Variants in SNX1 observed in about 807,000 individuals in gnomAD.
The protein encoded by SNX1 is sorting nexin-1.
SNX1 carries 36 observed loss-of-function variants against 71.8 expected under a neutral mutation model. The ratio of observed to expected loss-of-function variants is 0.50; its 90% CI spans 0.38 to 0.66. The LOEUF (loss-of-function observed/expected upper bound fraction) is 0.66. Among genes scored for constraint, SNX1 ranks in the 30% least tolerant of loss-of-function variants. The pLI is 0.00. For missense variants in SNX1, 612 were observed against 646.7 expected (o/e 0.95, Z 0.58); for synonymous variants, 254 against 240.7 (o/e 1.06, Z -0.51).
chr15:64,107,689 G>A (rs1387307277), intron 1 of SNX1, among the ~76,000 whole-genome samples: 5 of 151,492 alleles, frequency 3.3e-5, no homozygotes, highest in Non-Finnish European at 7.4e-5. Context: ...AGAATTAACA[G>A]CCAAAGGGAG....
At chr15:64,128,734 A>T (rs998210309) in intron 8 of SNX1, among the ~76,000 whole-genome samples, 1 of 152,146 alleles carries the variant, frequency 6.6e-6, no homozygotes, top group Non-Finnish European at 1.5e-5. Flanking sequence ...TCTTTACTCC[A>T]TACCCCTAAG....
chr15:64,131,699 A>C lies in SNX1; in HGVS notation c.1028A>C (p.Asn343Thr). ...LVNHRKELAL[N>T]TAQFAKSLAM... ...TTCCTCCTTCCAGAGCTAGCGCTGAACACAGCCCAGTTTGCAAAGAGTCTA... is the reference window on the plus strand; with the variant it reads ...TTCCTCCTTCCAGAGCTAGCGCTGACCACAGCCCAGTTTGCAAAGAGTCTA... Residue 343 changes from asparagine to threonine, a missense_variant, in exon 11 of 15, where the codon AAC (asparagine) becomes ACC (threonine). Physicochemically the swap from Asn to Thr is moderately conservative, Grantham distance 65 (BLOSUM62 0). Transcript: ENST00000559844. The C allele has an allele frequency of 6.2e-7, 1 of 1,614,066 alleles. No individual in the cohort carries two copies. The highest frequency in any genetic ancestry group is 1.1e-5 in the South Asian group (1 of 91,088).
intron 2 of SNX1, 88 bp downstream of exon 2, chr15:64,112,772 A>G (rs1334030204): frequency 1.4e-6 from 1 of 729,566 alleles, no homozygotes; most frequent in Non-Finnish European, 2.3e-6. Context: ...AAAAAAAAAA[A>G]GTATTGGGAA....
At chr15:64,128,387 C>T (rs1183922514) in intron 8 of SNX1, among the ~76,000 whole-genome samples, 3 of 152,070 alleles carry the variant, frequency 2.0e-5, no homozygotes, top group African/African-American at 7.2e-5. Flanking sequence ...AAATTTGAAA[C>T]ATGAAATAGC....
intron 11 of SNX1, among the ~76,000 whole-genome samples, chr15:64,133,787 C>T (rs1054079559): frequency 6.6e-5 from 10 of 152,200 alleles, no homozygotes; most frequent in African/African-American, 2.2e-4. Flanking sequence ...GCCGCTGGAA[C>T]CCGGCTGGGC....
intron 1 of SNX1, among the ~76,000 whole-genome samples, chr15:64,100,298 G>A (rs1439884175): frequency 2.0e-5 from 3 of 152,092 alleles, no homozygotes; most frequent in African/African-American, 7.2e-5. Context: ...CTGTAAACCA[G>A]TTACTTAAAT....
At chr15:64,099,349 A>G (rs1037524935) in intron 1 of SNX1, among the ~76,000 whole-genome samples, 1 of 152,246 alleles carries the variant, frequency 6.6e-6, no homozygotes, top group Non-Finnish European at 1.5e-5. Context: ...ATAAACATTT[A>G]AAGAGTGCTT....
At chr15:64,130,439 C>G in intron 10 of SNX1, 118 bp downstream of exon 10, 1 of 811,892 alleles carries the variant, frequency 1.2e-6, no homozygotes, top group African/African-American at 1.7e-5. Context: ...TCTCAGCCCA[C>G]CTGGTCCTTG....
chr15:64,126,330 G>GA, intron 6 of SNX1, 110 bp downstream of exon 6: 3 of 1,202,102 alleles, frequency 2.5e-6, no homozygotes, highest in Non-Finnish European at 3.4e-6. Flanking sequence ...CTTGTGGTTA[G>GA]AAAAGAGACA....
rs780140707 is a variant in SNX1, at chr15:64,134,659, C to A, written c.1222-5C>A. On this transcript the variant is annotated splice_polypyrimidine_tract_variant and splice_region_variant and intron_variant, in intron 11 of 14. Coordinates refer to ENST00000559844, the MANE Select transcript of SNX1 (RefSeq NM_003099.5). This position sits in a 1 kb window ranked among gnomAD's most constrained non-coding sequence, Gnocchi z 4.1. Reference sequence around the variant, plus strand: ...TTGTGCTCCTCCTCAACCCCACCCCCACAGGCTGCCTTCGACCAGCGCATG... The same window carrying A: ...TTGTGCTCCTCCTCAACCCCACCCCAACAGGCTGCCTTCGACCAGCGCATG... 8.7e-6 allele frequency: 14 copies of A among 1,608,524 alleles called. No homozygotes were observed. The Admixed American group carries it at 1.2e-4, about 13-fold the overall frequency.
At chr15:64,096,678 A>G (rs745719950) in intron 1 of SNX1, among the ~76,000 whole-genome samples, 3 of 152,194 alleles carry the variant, frequency 2.0e-5, no homozygotes, top group Admixed American at 1.3e-4. Flanking sequence ...TTAGTTTACA[A>G]AAGTTATGTT....
intron 5 of SNX1, among the ~76,000 whole-genome samples, chr15:64,124,163 T>TATATATATATATAC (rs1384190132): frequency 1.4e-5 from 2 of 139,462 alleles, no homozygotes; most frequent in Non-Finnish European, 3.0e-5. Flanking sequence ...TATATATATA[T>TATATATATATATAC]ATATATATAT....
intron 14 of SNX1, 77 bp downstream of exon 14, chr15:64,137,009 A>G (rs2081366300): frequency 1.7e-6 from 2 of 1,164,876 alleles, no homozygotes; most frequent in Non-Finnish European, 1.3e-6. Context: ...CTTCTGCAAC[A>G]AGATGTGCAG....
chr15:64,107,934 C>T (rs2081039240), intron 1 of SNX1, among the ~76,000 whole-genome samples: 1 of 152,162 alleles, frequency 6.6e-6, no homozygotes, highest in South Asian at 2.1e-4. Context: ...TGGCTCACGC[C>T]TGTAATCCCA....
intron 4 of SNX1, among the ~76,000 whole-genome samples, chr15:64,120,449 A>AT (rs1158187884): frequency 2.0e-5 from 3 of 151,320 alleles, no homozygotes; most frequent in Non-Finnish European, 4.4e-5. Context: ...ATTTTTTTAT[A>AT]TTTTTTGTAG....
At chr15:64,132,841 T>C (rs771521635) in intron 11 of SNX1, among the ~76,000 whole-genome samples, 8 of 152,232 alleles carry the variant, frequency 5.3e-5, no homozygotes, top group Non-Finnish European at 1.2e-4. Flanking sequence ...CTCATTGTCC[T>C]CTCCCATTGC....
chr15:64,116,547 G>A (rs570625980), intron 2 of SNX1, among the ~76,000 whole-genome samples: 2 of 152,222 alleles, frequency 1.3e-5, no homozygotes, highest in South Asian at 4.1e-4. Context: ...TACTGATCTG[G>A]GACTTGATTA....
chr15:64,142,541 CT>C lies in SNX1; in HGVS notation c.*4924del, dbSNP rs1369713665. Reference sequence around the variant, plus strand: ...GGACCTGTGTTCAGAGGGTGCCTCACTGCTGAGGCCACAGGAAAGAATCTGT... The same window carrying C: ...GGACCTGTGTTCAGAGGGTGCCTCACGCTGAGGCCACAGGAAAGAATCTGT... On this transcript the variant is annotated 3_prime_UTR_variant, in exon 15 of 15. Transcript: ENST00000559844. 8 of 438,776 alleles carry C rather than the reference CT, an allele frequency of 1.8e-5. No individual in the cohort carries two copies. Among genetic ancestry groups the C allele is most frequent in the Admixed American group, 2.4e-5 (1 of 41,122 alleles). The allele number at this position is 438,776 out of a possible 1,614,324, so 27.2% of individuals were successfully genotyped here. A position where few individuals can be genotyped will look rare whatever the true frequency, so the allele number is the denominator to read the frequency against.
intron 4 of SNX1, among the ~76,000 whole-genome samples, chr15:64,119,969 G>A (rs1329822358): frequency 2.0e-5 from 3 of 152,106 alleles, no homozygotes; most frequent in Non-Finnish European, 2.9e-5. Context: ...AAGTTGAATT[G>A]TACTCAAAAT....
Sources: gnomAD v4.1 joint callset for allele counts (sites outside exome capture counted in the v4.1 genomes callset) on GRCh38, gnomAD v4.1.1 for gene constraint, Gnocchi (gnomAD v3.1) non-coding constraint, MANE v1.5 for transcripts, NCBI Gene and HGNC (gene_info 2026-07-23, HGNC 2026-07-21) for gene names.